Variants in GALNT7 observed in about 807,000 individuals in gnomAD.
The protein encoded by GALNT7 is polypeptide N-acetylgalactosaminyltransferase 7, also known as N-acetylgalactosaminyltransferase 7.
In GALNT7, 60 loss-of-function variants were observed where a neutral mutation model predicts 82.1. The observed-to-expected ratio is 0.73, with a 90% CI of 0.59 to 0.91. The LOEUF is 0.91. Among genes scored for constraint, GALNT7 ranks in the 40% least tolerant of loss-of-function variants. GALNT7 has a pLI of 0.00. For missense variants in GALNT7, 660 were observed against 804.2 expected (o/e 0.82, Z 2.17); for synonymous variants, 243 against 275.1 (o/e 0.88, Z 1.15).
At position 173,191,770 on chromosome 4, in the gene GALNT7, G is replaced by A. The variant is rs985309904; in HGVS notation, c.126+22809G>A. On this transcript the variant is annotated intron_variant, in intron 1 of 11. Transcript: ENST00000265000. ...GTTTCCTTTCTTTCCTTAGAAATCC[G>A]TTGTGAATCTATTATTCATGAGTTT... 8.5e-5 allele frequency among the ~76,000 whole-genome samples: 13 copies of A among 152,130 alleles called. No individual in the cohort carries two copies. In the East Asian group the frequency reaches 2.1e-3, roughly 25 times the overall value.
At position 173,168,862 on chromosome 4, in the gene GALNT7, AC is replaced by A; in HGVS notation, c.28del (p.Arg10AlafsTer12). The A allele has an allele frequency of 6.2e-7, 1 of 1,613,542 alleles. No homozygotes were observed. MRLKIGFIL[R>X]SLLVVGSFLG... ...TGAGGCTGAAGATTGGGTTCATCTTACGCAGTTTGCTGGTGGTGGGAAGCTT... is the reference window on the plus strand; with the variant it reads ...TGAGGCTGAAGATTGGGTTCATCTTAGCAGTTTGCTGGTGGTGGGAAGCTT... On this transcript the variant is annotated frameshift_variant, in exon 1 of 12. Coordinates refer to ENST00000265000, the MANE Select transcript of GALNT7 (RefSeq NM_017423.3). LOFTEE classifies it high-confidence loss of function.
intron 2 of GALNT7, among the ~76,000 whole-genome samples, chr4:173,279,345 G>C (rs192527895): frequency 1.9e-4 from 29 of 152,228 alleles, no homozygotes; most frequent in Admixed American, 1.5e-3. Context: ...GTTGTGAGGA[G>C]AGCACCAAGA....
chr4:173,266,868 GGTGT>G (rs71596614), intron 2 of GALNT7, among the ~76,000 whole-genome samples: 7,063 of 94,978 alleles, frequency 0.074, 265 homozygotes, highest in Non-Finnish European at 0.081. Context: ...GGCTGGGAAG[GGTGT>G]GTGTGTGTGT....
intron 1 of GALNT7, among the ~76,000 whole-genome samples, chr4:173,181,201 A>G (rs1163736747): frequency 6.6e-6 from 1 of 152,192 alleles, no homozygotes; most frequent in Admixed American, 6.5e-5. Flanking sequence ...AAGATTGGAA[A>G]TTTTTATCAC....
chr4:173,309,777 G>T (rs537869161), intron 8 of GALNT7, among the ~76,000 whole-genome samples: 4 of 152,272 alleles, frequency 2.6e-5, no homozygotes, highest in Non-Finnish European at 4.4e-5. Flanking sequence ...TGAAGCCCCA[G>T]CTACAACAGG....
Position 173,292,136 on chromosome 4 carries a change from T to G in GALNT7, c.616T>G (p.Leu206Val), listed in dbSNP as rs1736564036. 1 of 1,609,734 alleles carries G rather than the reference T, an allele frequency of 6.2e-7. No individual in the cohort carries two copies. The highest frequency in any genetic ancestry group is 1.1e-5 in the South Asian group (1 of 90,060). Residue 206 changes from leucine (L) to valine (V), a missense_variant, in exon 3 of 12, where the codon TTG becomes GTG. By Grantham distance (32) the Leu-to-Val change is conservative. This residue lies in a region of GALNT7 where 527 missense variants were observed against 683.5 expected (regional missense o/e 0.77). Transcript: ENST00000265000. This position sits in a 1 kb window ranked among gnomAD's most constrained non-coding sequence, Gnocchi z 4.8. ...ECKYWHYDEN[L>V]LTSSVVIVFH... ...CAAGTATTGGCATTATGATGAAAAC[T>G]TGCTCACTTCGAGCGTTGTCATTGT... is the stretch of plus-strand genomic sequence containing the variant.
At position 173,320,234 on chromosome 4, in the gene GALNT7, TTA is replaced by T. The variant is rs1454458761; in HGVS notation, c.1837-1345_1837-1344del. On this transcript the variant is annotated intron_variant, in intron 11 of 11. Transcript: ENST00000265000. This position sits in a 1 kb window ranked among gnomAD's most constrained non-coding sequence, Gnocchi z 4.1. ...TGTCCTCTGGATTCCCTTTACACTC[TTA>T]AAAATTTTTGAGCTCCCCCACCCCC... Among the ~76,000 whole-genome samples the T allele has an allele frequency of 6.6e-6, 1 of 152,054 alleles. No individual in the cohort carries two copies. The highest frequency in any genetic ancestry group is 1.9e-4 in the East Asian group (1 of 5,182).
chr4:173,323,136 A>G lies in GALNT7; in HGVS notation c.*1419A>G, dbSNP rs1737883817. ...GCCTACATTGAGTGCTTAAAAAAAAAAAAACAACTGTGATGATGTGAGCAG... is the reference window on the plus strand; with the variant it reads ...GCCTACATTGAGTGCTTAAAAAAAAGAAAACAACTGTGATGATGTGAGCAG... On this transcript the variant is annotated 3_prime_UTR_variant, in exon 12 of 12. Transcript: ENST00000265000. 6.6e-6 allele frequency: 1 copy of G among 152,456 alleles called. No individual in the cohort carries two copies. The highest frequency in any genetic ancestry group is 2.1e-4 in the South Asian group (1 of 4,828). 9.4% of individuals were successfully genotyped at this position (152,456 alleles called of 1,614,324 possible). A position where few individuals can be genotyped will look rare whatever the true frequency, so the allele number is the denominator to read the frequency against.
In GALNT7 at chr4:173,248,417, C is replaced by A. The variant is rs151095044; in HGVS notation, c.564C>A (p.Ser188Arg). The stretch of plus-strand genomic sequence containing the variant: ...GTGACATGATCTCACTGGACCGCAG[C>A]GTCAATGACTTACGCCAAGAAGAGT... ...VASDMISLDR[S>R]VNDLRQEECK... The change falls in exon 2 of 12, where the codon AGC (serine) becomes AGA (arginine). Residue 188 changes from serine to arginine, a missense_variant. By Grantham distance (110) the Ser-to-Arg change is moderately radical. This residue lies in a region of GALNT7 where 527 missense variants were observed against 683.5 expected (regional missense o/e 0.77). Coordinates refer to ENST00000265000, the MANE Select transcript of GALNT7 (RefSeq NM_017423.3). The A allele has an allele frequency of 1.2e-6, 2 of 1,607,594 alleles. No homozygotes were observed. Among genetic ancestry groups the A allele is most frequent in the Non-Finnish European group, 1.7e-6 (2 of 1,176,136 alleles).
chr4:173,278,553 C>A (rs1225469894), intron 2 of GALNT7, among the ~76,000 whole-genome samples: 1 of 152,034 alleles, frequency 6.6e-6, no homozygotes, highest in African/African-American at 2.4e-5. Context: ...GCACCTAAAC[C>A]AACAATATAA....
chr4:173,247,857 T>G (rs539008814), intron 1 of GALNT7, 123 bp from the exon 2 acceptor site: 1 of 614,086 alleles, frequency 1.6e-6, no homozygotes, highest in Non-Finnish European at 2.9e-6. Flanking sequence ...AATGGCCCGC[T>G]TGTATTCCAA....
At chr4:173,266,871 GTGTGTGTGTGT>G (rs1735516841) in intron 2 of GALNT7, among the ~76,000 whole-genome samples, 66 of 51,192 alleles carry the variant, frequency 1.3e-3, no homozygotes, top group Non-Finnish European at 1.9e-3. Flanking sequence ...TGGGAAGGGT[GTGTGTGTGTGT>G]GTGTGTGTGT....
chr4:173,264,011 C>A (rs1735380707), intron 2 of GALNT7, among the ~76,000 whole-genome samples: 1 of 152,256 alleles, frequency 6.6e-6, no homozygotes, highest in Admixed American at 6.5e-5. Flanking sequence ...TAGCAAGTTA[C>A]TTTTATCAAT....
At chr4:173,224,828 C>A (rs183748588) in intron 1 of GALNT7, among the ~76,000 whole-genome samples, 2 of 151,348 alleles carry the variant, frequency 1.3e-5, no homozygotes, top group East Asian at 1.9e-4. Context: ...CTGGCTAACA[C>A]GGTGAAACCC....
At chr4:173,197,379 GA>G (rs1018624062) in intron 1 of GALNT7, among the ~76,000 whole-genome samples, 13 of 152,116 alleles carry the variant, frequency 8.5e-5, no homozygotes, top group African/African-American at 3.1e-4. Context: ...AAAGCATGGG[GA>G]TAAGTTTTAT....
chr4:173,270,048 A>T (rs1735667180), intron 2 of GALNT7, among the ~76,000 whole-genome samples: 1 of 152,240 alleles, frequency 6.6e-6, no homozygotes, highest in South Asian at 2.1e-4. Context: ...AACCTGAAAA[A>T]TATAAAAAGA....
chr4:173,249,671 A>C (rs946181852), intron 2 of GALNT7, among the ~76,000 whole-genome samples: 1 of 152,218 alleles, frequency 6.6e-6, no homozygotes, highest in Non-Finnish European at 1.5e-5. Flanking sequence ...TTTCAGATAA[A>C]TGGTTAAAAA....
chr4:173,182,696 A>C lies in GALNT7; in HGVS notation c.126+13735A>C, dbSNP rs1732286972. Among the ~76,000 whole-genome samples the C allele has an allele frequency of 3.1e-5, 4 of 127,292 alleles. No individual in the cohort carries two copies. The South Asian group carries it at 1.0e-3, about 32-fold the overall frequency. The allele number at this position is 127,292 out of a possible 152,430, so 83.5% of individuals were successfully genotyped here. The stretch of plus-strand genomic sequence containing the variant: ...CACACACACACACACACACACACAC[A>C]GCGTGTTGCCCCGAATGATGAGGCT... On this transcript the variant is annotated intron_variant, in intron 1 of 11. Transcript: ENST00000265000.
chr4:173,270,537 C>A (rs1735684805), intron 2 of GALNT7, among the ~76,000 whole-genome samples: 1 of 152,196 alleles, frequency 6.6e-6, no homozygotes, highest in East Asian at 1.9e-4. Context: ...TGAAGCTAAT[C>A]TTGGACGCCT....
Sources: gnomAD v4.1 joint callset for allele counts (sites outside exome capture counted in the v4.1 genomes callset) on GRCh38, gnomAD v4.1.1 for gene constraint, gnomAD v4.1.1 regional missense constraint, Gnocchi (gnomAD v3.1) non-coding constraint, MANE v1.5 for transcripts, NCBI Gene and HGNC (gene_info 2026-07-23, HGNC 2026-07-21) for gene names.